GPRC5A: variants seen among roughly 807,000 people sequenced by gnomAD.
GPRC5A encodes retinoic acid-induced protein 3.
GPRC5A carries 19 observed loss-of-function variants against 22.5 expected under a neutral mutation model. The observed-to-expected ratio is 0.85, with a 90% CI of 0.59 to 1.24. The LOEUF (loss-of-function observed/expected upper bound fraction) is 1.24. Ranked by LOEUF, GPRC5A falls within the 50% of genes most tolerant of loss-of-function variation. GPRC5A has a pLI of 0.00. For missense variants in GPRC5A, 471 were observed against 451.1 expected (o/e 1.04, Z -0.40); for synonymous variants, 192 against 184.5 (o/e 1.04, Z -0.33).
At position 12,915,865 on chromosome 12, in the gene GPRC5A, C is replaced by A; in HGVS notation, c.*3326C>A. The A allele has an allele frequency of 1.9e-6, 1 of 526,992 alleles. No individual in the cohort carries two copies. The highest frequency in any genetic ancestry group is 1.4e-5 in the South Asian group (1 of 70,818). The allele number at this position is 526,992 out of a possible 1,614,324, so 32.6% of individuals were successfully genotyped here. A position where few individuals can be genotyped will look rare whatever the true frequency, so the allele number is the denominator to read the frequency against. On this transcript the variant is annotated 3_prime_UTR_variant, in exon 4 of 4. Transcript: ENST00000014914. ...CAGTGGTCTCTGAAGCCTGCAGGGG[C>A]AGGCCAGCCCTGCACTGAACGCCTG... is the stretch of plus-strand genomic sequence containing the variant.
Position 12,908,693 on chromosome 12 carries a change from C to T in GPRC5A, c.444C>T (p.Ile148=), listed in dbSNP as rs150092975. 855 of 1,613,886 alleles carry T rather than the reference C, an allele frequency of 5.3e-4. 8 individuals are homozygous for T. The South Asian group carries it at 6.7e-3, about 13-fold the overall frequency. The part of the protein sequence containing the change: ...AVGFSLVQDV[I]AIEYIVLTMN... ...GCTTCAGCCTAGTCCAGGATGTTAT[C>T]GCTATTGAATATATTGTCCTGACCA... is the stretch of plus-strand genomic sequence containing the variant. Residue 148 remains isoleucine (I), a synonymous_variant, in exon 2 of 4, where the codon ATC becomes ATT. Transcript: ENST00000014914.
rs1255315975 is a variant in GPRC5A at position 12,912,490 on chromosome 12, C to T, written c.1025C>T (p.Ala342Val). The T allele has an allele frequency of 6.2e-7, 1 of 1,613,050 alleles. No homozygotes were observed. Among genetic ancestry groups the T allele is most frequent in the Non-Finnish European group, 8.5e-7 (1 of 1,178,988 alleles). Residue 342 changes from alanine to valine, a missense_variant, in exon 4 of 4, where the codon GCT becomes GTT. Transcript: ENST00000014914. ...QKEFSIPRAH[A>V]WPSPYKDYEV... The stretch of plus-strand genomic sequence containing the variant: ...GAATTCTCCATCCCACGGGCCCACG[C>T]TTGGCCGAGCCCTTACAAAGACTAT...
At chr12:12,901,530 T>C (rs1017809922) in intron 1 of GPRC5A, among the ~76,000 whole-genome samples, 1 of 152,014 alleles carries the variant, frequency 6.6e-6, no homozygotes, top group African/African-American at 2.4e-5. Flanking sequence ...CCGAGCGCCA[T>C]TCTCTTGCTG....
intron 1 of GPRC5A, among the ~76,000 whole-genome samples, chr12:12,893,875 C>A (rs1013313258): frequency 6.6e-6 from 1 of 152,158 alleles, no homozygotes; most frequent in African/African-American, 2.4e-5. Flanking sequence ...CATTCTCCTG[C>A]CTCAGGCTCC....
At position 12,908,466 on chromosome 12, in the gene GPRC5A, CTGGGTGTGT is replaced by C. The variant is rs1328656254; in HGVS notation, c.222_230del (p.Val75_Gly77del). ...GCTGCCTACTCAGTTTCTCTTCCTC[CTGGGTGTGT>C]TGGGCATCTTTGGCCTCACCTTCGC... On this transcript the variant is annotated inframe_deletion, in exon 2 of 4. Transcript: ENST00000014914. 1.2e-6 allele frequency: 2 copies of C among 1,613,952 alleles called. No individual in the cohort carries two copies. Among genetic ancestry groups the C allele is most frequent in the Non-Finnish European group, 1.7e-6 (2 of 1,179,976 alleles).
chr12:12,907,141 GC>G (rs1363542159), intron 1 of GPRC5A, among the ~76,000 whole-genome samples: 7 of 151,890 alleles, frequency 4.6e-5, no homozygotes, highest in Admixed American at 1.3e-4. Context: ...AGAGGACCCA[GC>G]CGCTGGCTCA....
At position 12,912,252 on chromosome 12, in the gene GPRC5A, A is replaced by G. The variant is rs74060973; in HGVS notation, c.981+110A>G. The G allele has an allele frequency of 6.2e-3, 5,692 of 924,090 alleles. 208 individuals carry two copies. In the African/African-American group the frequency reaches 0.081, roughly 13 times the overall value. The allele number at this position is 924,090 out of a possible 1,614,324, so 57.2% of individuals were successfully genotyped here. On this transcript the variant is annotated intron_variant, in intron 3 of 3. Transcript: ENST00000014914. ...CTCATGGCCCCTAGATGGCCACTTG[A>G]AGGAATGATGGGTCTTCTTTCCTCT...
rs144895362 is a variant in GPRC5A, at chr12:12,905,132, G to A, written c.-7-3111G>A. 8.7e-3 allele frequency among the ~76,000 whole-genome samples: 1,322 copies of A among 152,212 alleles called. 22 individuals are homozygous for A. The highest frequency in any genetic ancestry group is 0.03 in the African/African-American group (1,260 of 41,526). On this transcript the variant is annotated intron_variant, in intron 1 of 3. Transcript: ENST00000014914. ...ACTCCTGACCTCAGGTGATCTGCCC[G>A]CCTTGGCCTCCCAAAGTGCTGGAAT...
At chr12:12,911,961 T>C in intron 2 of GPRC5A, 123 bp from the exon 3 acceptor site, 1 of 664,632 alleles carries the variant, frequency 1.5e-6, no homozygotes. Flanking sequence ...TCCAAGAAAC[T>C]TAAGGTCTGC....
Position 12,915,007 on chromosome 12 carries a change from C to G in GPRC5A, c.*2468C>G, listed in dbSNP as rs1044236971. The G allele has an allele frequency of 6.8e-6, 1 of 146,222 alleles. No homozygotes were observed. The highest frequency in any genetic ancestry group is 2.5e-5 in the African/African-American group (1 of 39,786). 9.1% of individuals were successfully genotyped at this position (146,222 alleles called of 1,614,324 possible). ...GTAAAAGGTAAAATCACAAAATACT[C>G]TGGATCGGCATTTTTTTTTTTTTTT... On this transcript the variant is annotated 3_prime_UTR_variant, in exon 4 of 4. Transcript: ENST00000014914.
At chr12:12,905,783 G>A (rs1281649499) in intron 1 of GPRC5A, among the ~76,000 whole-genome samples, 1 of 152,182 alleles carries the variant, frequency 6.6e-6, no homozygotes, top group Non-Finnish European at 1.5e-5. Context: ...AGATTGTAGG[G>A]GCAGAGAAAG....
chr12:12,900,113 AG>A (rs1396928295), intron 1 of GPRC5A, among the ~76,000 whole-genome samples: 2 of 152,184 alleles, frequency 1.3e-5, no homozygotes, highest in African/African-American at 4.8e-5. Context: ...GGCCATGTCT[AG>A]GGTCAGCGCT....
intron 1 of GPRC5A, among the ~76,000 whole-genome samples, chr12:12,905,149 T>C (rs889927397): frequency 6.6e-5 from 10 of 152,180 alleles, no homozygotes; most frequent in African/African-American, 2.4e-4. Context: ...CCTCCCAAAG[T>C]GCTGGAATGG....
chr12:12,916,715 C>G lies in GPRC5A; in HGVS notation c.*4176C>G, dbSNP rs937120316. The G allele has an allele frequency of 4.6e-5, 7 of 152,188 alleles. No homozygotes were observed. The highest frequency in any genetic ancestry group is 8.8e-5 in the Non-Finnish European group (6 of 68,044). The allele number at this position is 152,188 out of a possible 1,614,324, so 9.4% of individuals were successfully genotyped here. On this transcript the variant is annotated 3_prime_UTR_variant, in exon 4 of 4. Transcript: ENST00000014914. ...ATCTGGCATCTTTACGGAGAGCGGT[C>G]TCATATGCTATTGTTGTTAACGTGG...
chr12:12,912,312 T>C lies in GPRC5A; in HGVS notation c.982-135T>C. On this transcript the variant is annotated intron_variant, in intron 3 of 3. Transcript: ENST00000014914. The stretch of plus-strand genomic sequence containing the variant: ...CACGGGGTTAGTGGGTAAGAATGAG[T>C]GCTTGGCATAGAGAGGACTTGGGGG... The C allele has an allele frequency of 7.1e-6, 6 of 839,314 alleles. No homozygotes were observed. The South Asian group carries it at 8.7e-5, about 12-fold the overall frequency. 52.0% of individuals were successfully genotyped at this position (839,314 alleles called of 1,614,324 possible). A position where few individuals can be genotyped will look rare whatever the true frequency, so the allele number is the denominator to read the frequency against.
rs781642130 is a variant in GPRC5A at position 12,908,406 on chromosome 12, G to A, written c.157G>A (p.Val53Ile). The A allele has an allele frequency of 1.5e-5, 24 of 1,614,026 alleles. No individual in the cohort carries two copies. Among genetic ancestry groups the A allele is most frequent in the Middle Eastern group, 1.6e-4 (1 of 6,084 alleles). The change falls in exon 2 of 4, where the codon GTC becomes ATC. Residue 53 changes from valine to isoleucine, a missense_variant. Val to Ile is a conservative substitution (Grantham distance 29). Transcript: ENST00000014914. ...VAFMLTLPIL[V>I]CKVQDSNRRK... is the part of the protein sequence containing the mutation. ...CTTCATGCTCACTCTCCCGATCCTCGTCTGCAAGGTGCAGGACTCCAACAG... is the reference window on the plus strand; with the variant it reads ...CTTCATGCTCACTCTCCCGATCCTCATCTGCAAGGTGCAGGACTCCAACAG...
At chr12:12,900,891 CAAAAAAA>C (rs756416857) in intron 1 of GPRC5A, among the ~76,000 whole-genome samples, 4 of 21,680 alleles carry the variant, frequency 1.8e-4, no homozygotes, top group Admixed American at 1.1e-3. Context: ...AACTCCGTCT[CAAAAAAA>C]AAAAAAAAAA....
At chr12:12,895,821 CAAAAA>C (rs34696528) in intron 1 of GPRC5A, among the ~76,000 whole-genome samples, 10 of 75,648 alleles carry the variant, frequency 1.3e-4, no homozygotes, top group Non-Finnish European at 1.8e-4. Flanking sequence ...ACTAAAAATA[CAAAAA>C]AAAAAAAAAA....
intron 1 of GPRC5A, among the ~76,000 whole-genome samples, chr12:12,907,777 G>A (rs1396343510): frequency 1.3e-5 from 2 of 152,108 alleles, no homozygotes; most frequent in East Asian, 1.9e-4. Flanking sequence ...GACTACAGGT[G>A]CGTGCCACCA....
Sources: allele counts gnomAD v4.1 joint callset (sites outside exome capture counted in the v4.1 genomes callset), GRCh38; gene constraint gnomAD v4.1.1; transcripts MANE v1.5; gene names NCBI Gene and HGNC (gene_info 2026-07-23, HGNC 2026-07-21).